Variants in CSF2RB observed in about 807,000 individuals in gnomAD.
The protein encoded by CSF2RB is cytokine receptor common subunit beta.
Under a neutral mutation model 67.2 loss-of-function variants are expected in CSF2RB, and 22 were observed. The ratio of observed to expected loss-of-function variants is 0.33; its 90% CI spans 0.23 to 0.47. CSF2RB has a LOEUF of 0.47. CSF2RB is among the 20% of genes least tolerant of loss of function. CSF2RB has a pLI of 1.00. For synonymous variants in CSF2RB, 507 were observed against 482.9 expected (o/e 1.05, Z -0.65); for missense variants, 1,113 against 1,174.5 (o/e 0.95, Z 0.76).
At chr22:36,921,069 T>C (rs895945604) in intron 1 of CSF2RB, among the ~76,000 whole-genome samples, 34 of 150,862 alleles carry the variant, frequency 2.3e-4, no homozygotes, top group African/African-American at 7.3e-4. Flanking sequence ...CGAGTGTGTA[T>C]GTGTGTGTGT....
At chr22:36,926,911 G>A (rs1941029818) in intron 4 of CSF2RB, among the ~76,000 whole-genome samples, 1 of 146,164 alleles carries the variant, frequency 6.8e-6, no homozygotes, top group Non-Finnish European at 1.5e-5. Flanking sequence ...CTGGTGGCAG[G>A]CTGGTAGGAG....
At chr22:36,935,824 G>T (rs549273034) in intron 12 of CSF2RB, 137 bp downstream of exon 12, 2 of 965,682 alleles carry the variant, frequency 2.1e-6, no homozygotes, top group Non-Finnish European at 3.2e-6. Context: ...GGAGCTTTGG[G>T]AGTGGGGCCA....
Position 36,937,709 on chromosome 22 carries a change from G to C in CSF2RB, c.1901G>C (p.Gly634Ala). 1 of 1,556,084 alleles carries C rather than the reference G, an allele frequency of 6.4e-7. No individual in the cohort carries two copies. The highest frequency in any genetic ancestry group is 8.7e-7 in the Non-Finnish European group (1 of 1,149,656). Residue 634 changes from glycine to alanine, a missense_variant, in exon 14 of 14, where the codon GGG becomes GCG. This residue lies in a region of CSF2RB where 554 missense variants were observed against 517.9 expected (regional missense o/e 1.07). Coordinates refer to ENST00000403662, the MANE Select transcript of CSF2RB (RefSeq NM_000395.3). The surrounding 1 kb of genome is among the most constrained non-coding windows in gnomAD (Gnocchi z 4.6). The part of the protein sequence containing the change: ...GSLEYLCLPA[G>A]GQVQLVPLAQ... ...CTGGAGTACCTGTGTCTGCCTGCTG[G>C]GGGGCAGGTGCAACTGGTCCCTCTG...
Position 36,937,385 on chromosome 22 carries a change from C to G in CSF2RB, c.1577C>G (p.Pro526Arg). Reference protein sequence around the residue: ...SRFPELEGVFPVGFGDSEVSP... With the variant: ...SRFPELEGVFRVGFGDSEVSP... ...CCATTTTCTTCCCACAGGGTGTTCC[C>G]TGTAGGATTCGGGGACAGCGAGGTG... The change falls in exon 14 of 14, where the codon CCT becomes CGT. Residue 526 changes from proline (P) to arginine (R), a missense_variant. By Grantham distance (103) the Pro-to-Arg change is moderately radical. Coordinates refer to ENST00000403662, the MANE Select transcript of CSF2RB (RefSeq NM_000395.3). This position sits in a 1 kb window ranked among gnomAD's most constrained non-coding sequence, Gnocchi z 4.6. 1 of 1,613,682 alleles carries G rather than the reference C, an allele frequency of 6.2e-7. No individual in the cohort carries two copies. Among genetic ancestry groups the G allele is most frequent in the African/African-American group, 1.3e-5 (1 of 75,006 alleles).
chr22:36,935,303 T>C (rs762595637), intron 10 of CSF2RB, 48 bp from the exon 11 acceptor site: 57 of 1,590,888 alleles, frequency 3.6e-5, no homozygotes, highest in Middle Eastern at 1.7e-4. Flanking sequence ...CTGAGGTCGA[T>C]TTCCCGCCCA....
Position 36,937,837 on chromosome 22 carries a change from C to T in CSF2RB, c.2029C>T (p.Pro677Ser). ...GGAGTCCGGGGGAGGCCCTGCCCCT[C>T]CTGCTCTTGGGCCAAGGGTGGGAGG... ...SLESGGGPAP[P>S]ALGPRVGGQD... Residue 677 changes from proline to serine, a missense_variant, in exon 14 of 14, where the codon CCT becomes TCT. Pro to Ser is a moderately conservative substitution (Grantham distance 74). Transcript: ENST00000403662. This position sits in a 1 kb window ranked among gnomAD's most constrained non-coding sequence, Gnocchi z 4.6. 1.2e-6 allele frequency: 2 copies of T among 1,612,484 alleles called. No homozygotes were observed. Among genetic ancestry groups the T allele is most frequent in the Non-Finnish European group, 1.7e-6 (2 of 1,179,320 alleles).
rs946737508 is a variant in CSF2RB, at chr22:36,922,174, G to T, written c.-34G>T. ...ATGCCCATGGCCAGCACCCACCAGT[G>T]CTGGTGCCTGCCTGTCCAGAGCTGA... is the stretch of plus-strand genomic sequence containing the variant. On this transcript the variant is annotated 5_prime_UTR_variant, in exon 2 of 14. Transcript: ENST00000403662. 1 of 1,548,870 alleles carries T rather than the reference G, an allele frequency of 6.5e-7. No individual in the cohort carries two copies. Among genetic ancestry groups the T allele is most frequent in the South Asian group, 1.2e-5 (1 of 84,492 alleles).
chr22:36,927,244 C>T (rs1941036409), intron 4 of CSF2RB, among the ~76,000 whole-genome samples: 1 of 152,210 alleles, frequency 6.6e-6, no homozygotes, highest in Non-Finnish European at 1.5e-5. Flanking sequence ...AACATTTCCA[C>T]ACATGGGTTT....
At chr22:36,927,028 A>T (rs1038832445) in intron 4 of CSF2RB, among the ~76,000 whole-genome samples, 1 of 152,152 alleles carries the variant, frequency 6.6e-6, no homozygotes, top group Non-Finnish European at 1.5e-5. Flanking sequence ...GACTAGTCCA[A>T]GGCCTCTCTA....
In CSF2RB at chr22:36,938,124, T is replaced by G. The variant is rs1941313343; in HGVS notation, c.2316T>G (p.Ile772Met). 2 of 1,614,020 alleles carry G rather than the reference T, an allele frequency of 1.2e-6. No homozygotes were observed. Among genetic ancestry groups the G allele is most frequent in the East Asian group, 4.5e-5 (2 of 44,856 alleles). ...AGGGCTATGTGGAGCTCCCTCCAAT[T>G]GAGGGCCGGTCCCCCAGGTCACCAA... Reference protein sequence around the residue: ...GFEGYVELPPIEGRSPRSPRN... With the variant: ...GFEGYVELPPMEGRSPRSPRN... Residue 772 changes from isoleucine to methionine, a missense_variant, in exon 14 of 14, where the codon ATT becomes ATG. Coordinates refer to ENST00000403662, the MANE Select transcript of CSF2RB (RefSeq NM_000395.3).
Position 36,930,380 on chromosome 22 carries a change from G to A in CSF2RB, c.724G>A (p.Glu242Lys), listed in dbSNP as rs760820946. 1.2e-6 allele frequency: 2 copies of A among 1,613,456 alleles called. No individual in the cohort carries two copies. Among genetic ancestry groups the A allele is most frequent in the South Asian group, 2.2e-5 (2 of 91,056 alleles). The stretch of plus-strand genomic sequence containing the variant: ...AGGACCTGTCTCCAACCCAGGGGAT[G>A]AGGCCCAGCCCCAGAACCTGGAGTG... ...EVCWDSQPGD[E>K]AQPQNLECFF... Residue 242 changes from glutamate (E) to lysine (K), a missense_variant, in exon 7 of 14, where the codon GAG becomes AAG. By Grantham distance (56) the Glu-to-Lys change is moderately conservative. Coordinates refer to ENST00000403662, the MANE Select transcript of CSF2RB (RefSeq NM_000395.3).
intron 3 of CSF2RB, among the ~76,000 whole-genome samples, chr22:36,925,393 C>T (rs1463914133): frequency 6.6e-6 from 1 of 152,170 alleles, no homozygotes; most frequent in African/African-American, 2.4e-5. Flanking sequence ...CAACCGAGGA[C>T]CCTCAGGAAT....
At chr22:36,916,773 T>G (rs573189567) in intron 1 of CSF2RB, among the ~76,000 whole-genome samples, 1 of 152,228 alleles carries the variant, frequency 6.6e-6, no homozygotes, top group Non-Finnish European at 1.5e-5. Flanking sequence ...GTGGGAGAAC[T>G]GCTTGAACCC....
chr22:36,924,392 G>T (rs559722701), intron 3 of CSF2RB, among the ~76,000 whole-genome samples: 107 of 152,072 alleles, frequency 7.0e-4, no homozygotes, highest in African/African-American at 2.5e-3. Context: ...TCCCCACTCT[G>T]CCCTGTGCCA....
At position 36,937,949 on chromosome 22, in the gene CSF2RB, C is replaced by T; in HGVS notation, c.2141C>T (p.Ser714Phe). Residue 714 changes from serine (S) to phenylalanine (F), a missense_variant, in exon 14 of 14, where the codon TCT (serine) becomes TTT (phenylalanine). This residue lies in a region of CSF2RB where 554 missense variants were observed against 517.9 expected (regional missense o/e 1.07). Transcript: ENST00000403662. This position sits in a 1 kb window ranked among gnomAD's most constrained non-coding sequence, Gnocchi z 4.6. ...GGAGTGGCCTCTGGTTATGTCTCCT[C>T]TGCAGACCTGGTATTCACCCCAAAC... ...DPGVASGYVSSADLVFTPNSG... is the reference protein window; with the variant it reads ...DPGVASGYVSFADLVFTPNSG... 6.2e-7 allele frequency: 1 copy of T among 1,614,184 alleles called. No homozygotes were observed. The highest frequency in any genetic ancestry group is 8.5e-7 in the Non-Finnish European group (1 of 1,180,022).
chr22:36,924,580 C>T (rs952136376), intron 3 of CSF2RB, among the ~76,000 whole-genome samples: 9 of 152,188 alleles, frequency 5.9e-5, no homozygotes, highest in African/African-American at 2.2e-4. Context: ...ACATTCACCA[C>T]GTCCAGTGTC....
rs1161198340 is a variant in CSF2RB, at chr22:36,930,574, T to C, written c.854+64T>C. ...GCCTTGCTCTCTCCAAGCTTCCTCC[T>C]GTCCCTGGGGCCCCAGCAGAAGCCA... On this transcript the variant is annotated intron_variant, in intron 7 of 13. Transcript: ENST00000403662. The C allele has an allele frequency of 1.1e-5, 18 of 1,611,492 alleles. No homozygotes were observed. In the East Asian group the frequency reaches 3.3e-4, roughly 30 times the overall value.
intron 1 of CSF2RB, among the ~76,000 whole-genome samples, chr22:36,916,167 C>G (rs1198771710): frequency 1.3e-5 from 2 of 152,078 alleles, no homozygotes; most frequent in Non-Finnish European, 2.9e-5. Flanking sequence ...GTCTTGTAAA[C>G]CTCTAAGATC....
chr22:36,928,075 C>A (rs772520595), intron 4 of CSF2RB, among the ~76,000 whole-genome samples: 3 of 152,112 alleles, frequency 2.0e-5, no homozygotes, highest in Non-Finnish European at 4.4e-5. Flanking sequence ...CTCCTGGAGC[C>A]TGTGTTGAGT....
Sources: allele counts gnomAD v4.1 joint callset (sites outside exome capture counted in the v4.1 genomes callset), GRCh38; gene constraint gnomAD v4.1.1; regional missense constraint gnomAD v4.1.1; non-coding constraint Gnocchi (gnomAD v3.1); transcripts MANE v1.5; gene names NCBI Gene and HGNC (gene_info 2026-07-23, HGNC 2026-07-21).